The following SYN3 variants were observed in gnomAD, a reference collection of about 807,000 sequenced individuals.
The protein encoded by SYN3 is synapsin III.
Under a neutral mutation model 65.8 loss-of-function variants are expected in SYN3, and 35 were observed. The observed-to-expected ratio is 0.53, with a 90% CI of 0.41 to 0.70. SYN3 has a LOEUF of 0.70. SYN3 is among the 30% of genes least tolerant of loss of function. The pLI is 0.00. For synonymous variants in SYN3, 270 were observed against 292.9 expected (o/e 0.92, Z 0.80); for missense variants, 680 against 749.0 (o/e 0.91, Z 1.08).
intron 6 of SYN3, among the ~76,000 whole-genome samples, chr22:32,627,775 C>T (rs2059689070): frequency 1.3e-5 from 2 of 152,090 alleles, no homozygotes; most frequent in South Asian, 4.1e-4. Flanking sequence ...CCCATCCCTC[C>T]TTGAAGAAGC....
intron 6 of SYN3, among the ~76,000 whole-genome samples, chr22:32,760,580 C>G (rs1388008105): frequency 2.6e-5 from 4 of 152,044 alleles, no homozygotes; most frequent in Admixed American, 2.0e-4. Flanking sequence ...CATGCAGGGC[C>G]CCCCGTGGGC....
At chr22:32,569,573 A>G (rs9609599) in intron 7 of SYN3, among the ~76,000 whole-genome samples, 1 of 60,114 alleles carries the variant, frequency 1.7e-5, no homozygotes, top group African/African-American at 4.5e-5. Flanking sequence ...CTCTCTCTCT[A>G]TATATATATA....
At chr22:32,979,940 A>G (rs2052323870) in intron 3 of SYN3, among the ~76,000 whole-genome samples, 1 of 152,150 alleles carries the variant, frequency 6.6e-6, no homozygotes, top group African/African-American at 2.4e-5. Context: ...GGCTGAGCAC[A>G]GTGTTTGGCA....
At chr22:32,577,665 C>G (rs2058871857) in intron 7 of SYN3, among the ~76,000 whole-genome samples, 2 of 152,194 alleles carry the variant, frequency 1.3e-5, no homozygotes, top group Admixed American at 1.3e-4. Flanking sequence ...CTTCCTCCAC[C>G]ACCTGTCCTC....
At chr22:32,904,245 G>GGCC (rs2049841187) in intron 4 of SYN3, among the ~76,000 whole-genome samples, 1 of 152,182 alleles carries the variant, frequency 6.6e-6, no homozygotes, top group African/African-American at 2.4e-5. Flanking sequence ...ACAGAGTTCT[G>GGCC]GCCAATGGGA....
chr22:32,670,318 A>G (rs1487475326), intron 6 of SYN3, among the ~76,000 whole-genome samples: 1 of 152,208 alleles, frequency 6.6e-6, no homozygotes, highest in Non-Finnish European at 1.5e-5. Context: ...AGGAGAATAG[A>G]GATTTGAGGA....
intron 6 of SYN3, among the ~76,000 whole-genome samples, chr22:32,747,606 C>A (rs182525697): frequency 6.6e-6 from 1 of 152,180 alleles, no homozygotes; most frequent in Admixed American, 6.5e-5. Flanking sequence ...AAGGAACCAA[C>A]TAAAAATCAT....
chr22:32,799,517 G>T (rs546935847), intron 6 of SYN3, among the ~76,000 whole-genome samples: 1 of 152,202 alleles, frequency 6.6e-6, no homozygotes, highest in African/African-American at 2.4e-5. Flanking sequence ...AAGGCCTTCC[G>T]TTGGAGAAAA....
chr22:32,903,354 GT>G (rs888897318), intron 4 of SYN3, among the ~76,000 whole-genome samples: 2 of 152,172 alleles, frequency 1.3e-5, no homozygotes, highest in African/African-American at 4.8e-5. Flanking sequence ...TTACACATTC[GT>G]TTTTTTAAAA....
At chr22:32,605,964 C>T (rs9784225) in intron 6 of SYN3, among the ~76,000 whole-genome samples, 46,118 of 152,094 alleles carry the variant, frequency 0.3, 8,316 homozygotes, top group African/African-American at 0.5. Flanking sequence ...TGAATCCCAC[C>T]AGATTGATGG....
At chr22:32,925,978 A>T (rs1601708648) in intron 4 of SYN3, among the ~76,000 whole-genome samples, 1 of 150,984 alleles carries the variant, frequency 6.6e-6, no homozygotes, top group East Asian at 2.0e-4. Context: ...CAGCCACTCA[A>T]ATAGCTGAGA....
At chr22:32,873,639 T>C (rs2048911042) in intron 4 of SYN3, among the ~76,000 whole-genome samples, 1 of 152,196 alleles carries the variant, frequency 6.6e-6, no homozygotes, top group East Asian at 1.9e-4. Context: ...GAACACCTGA[T>C]GTAAAATGGG....
At chr22:32,594,885 T>C (rs2059176835) in intron 7 of SYN3, among the ~76,000 whole-genome samples, 1 of 152,180 alleles carries the variant, frequency 6.6e-6, no homozygotes, top group African/African-American at 2.4e-5. Flanking sequence ...TGAAGAATTA[T>C]TCACGTCTGG....
intron 6 of SYN3, among the ~76,000 whole-genome samples, chr22:32,714,477 A>G (rs2061009316): frequency 1.3e-5 from 2 of 152,210 alleles, no homozygotes; most frequent in Admixed American, 1.3e-4. Context: ...AAAATGCCCA[A>G]GAGATTCAGA....
intron 2 of SYN3, among the ~76,000 whole-genome samples, chr22:32,997,393 T>C (rs960170432): frequency 2.0e-5 from 3 of 152,134 alleles, no homozygotes; most frequent in Admixed American, 2.0e-4. Context: ...TCAGCATCTA[T>C]CTCGTGCCAC....
At chr22:32,574,498 G>A (rs1601670815) in intron 7 of SYN3, among the ~76,000 whole-genome samples, 1 of 152,094 alleles carries the variant, frequency 6.6e-6, no homozygotes, top group Non-Finnish European at 1.5e-5. Flanking sequence ...AATCACCATC[G>A]TGTTCGATGC....
At chr22:32,689,981 G>C (rs2060641075) in intron 6 of SYN3, among the ~76,000 whole-genome samples, 1 of 152,144 alleles carries the variant, frequency 6.6e-6, no homozygotes. Flanking sequence ...TTTGAGACCA[G>C]CCTGGCCAAC....
At chr22:32,937,621 G>C (rs770439510) in intron 3 of SYN3, among the ~76,000 whole-genome samples, 2 of 152,122 alleles carry the variant, frequency 1.3e-5, no homozygotes, top group Non-Finnish European at 2.9e-5. Context: ...TCTATAATGA[G>C]GACAGCAAGG....
At chr22:32,885,385 G>C (rs1362860152) in intron 4 of SYN3, among the ~76,000 whole-genome samples, 1 of 152,124 alleles carries the variant, frequency 6.6e-6, no homozygotes, top group South Asian at 2.1e-4. Flanking sequence ...ATGGACTTTT[G>C]TTCTCATACT....
Sources: allele counts gnomAD v4.1 joint callset (sites outside exome capture counted in the v4.1 genomes callset), GRCh38; gene constraint gnomAD v4.1.1; transcripts MANE v1.5; gene names NCBI Gene and HGNC (gene_info 2026-07-23, HGNC 2026-07-21).